Variants in PPTC7 observed in about 807,000 individuals in gnomAD.
The protein encoded by PPTC7 is protein phosphatase PTC7 homolog.
In PPTC7, 6 loss-of-function variants were observed where a neutral mutation model predicts 30.8. The observed-to-expected ratio is 0.19, with a 90% CI of 0.11 to 0.38. PPTC7 has a LOEUF of 0.38. PPTC7 is among the 10% of genes least tolerant of loss of function. The pLI is 1.00. For synonymous variants in PPTC7, 163 were observed against 168.1 expected, an observed-to-expected ratio of 0.97 and a Z score of 0.23; for missense variants, 218 against 404.8, an observed-to-expected ratio of 0.54 and a Z score of 3.96.
chr12:110,577,526 T>C (rs562131376), intron 1 of PPTC7, among the ~76,000 whole-genome samples: 1 of 152,280 alleles, frequency 6.6e-6, no homozygotes, highest in Non-Finnish European at 1.5e-5. Flanking sequence ...AAACACCAAA[T>C]TCTACCTCAT....
chr12:110,550,973 T>C (rs1201763398), intron 2 of PPTC7, among the ~76,000 whole-genome samples: 1 of 152,218 alleles, frequency 6.6e-6, no homozygotes, highest in Admixed American at 6.5e-5. Flanking sequence ...ACTTTTTATG[T>C]TTCTAAACTT....
At chr12:110,577,197 G>A (rs60685128) in intron 1 of PPTC7, among the ~76,000 whole-genome samples, 107 of 146,028 alleles carry the variant, frequency 7.3e-4, no homozygotes, top group African/African-American at 2.6e-3. Context: ...AATTCACTCA[G>A]GGTCATATTT....
chr12:110,557,329 T>G (rs2064397639), intron 1 of PPTC7, among the ~76,000 whole-genome samples: 1 of 152,174 alleles, frequency 6.6e-6, no homozygotes, highest in Admixed American at 6.5e-5. Flanking sequence ...CAGGCTGGAG[T>G]AGTGGCCTGA....
rs111419601 is a variant in PPTC7 at position 110,546,150 on chromosome 12, C to T, written c.404-72G>A. Reference sequence around the variant, plus strand: ...TTTGCACACACATTTTAACACATGACCCCACAGAGCAACACACCATAATTT... The same window carrying T: ...TTTGCACACACATTTTAACACATGATCCCACAGAGCAACACACCATAATTT... On this transcript the variant is annotated intron_variant, in intron 2 of 5. Coordinates refer to ENST00000354300, the MANE Select transcript of PPTC7 (RefSeq NM_139283.2). 67 of 1,215,668 alleles carry T rather than the reference C, an allele frequency of 5.5e-5. No individual in the cohort carries two copies. The African/African-American group carries it at 8.1e-4, about 15-fold the overall frequency. The allele number at this position is 1,215,668 out of a possible 1,614,324, so 75.3% of individuals were successfully genotyped here.
rs2064207151 is a variant in PPTC7 at position 110,534,846 on chromosome 12, T to A, written c.*2191A>T. ...AATCTAGCTTTACAAAGATTGTGTT[T>A]GACGGGTTAAATGAGAGCAGAGAAA... On this transcript the variant is annotated 3_prime_UTR_variant, in exon 6 of 6. Coordinates refer to ENST00000354300, the MANE Select transcript of PPTC7 (RefSeq NM_139283.2). The A allele has an allele frequency of 6.6e-6, 1 of 152,624 alleles. No individual in the cohort carries two copies. The highest frequency in any genetic ancestry group is 1.5e-5 in the Non-Finnish European group (1 of 68,034). The allele number at this position is 152,624 out of a possible 1,614,324, so 9.5% of individuals were successfully genotyped here. A position where few individuals can be genotyped will look rare whatever the true frequency, so the allele number is the denominator to read the frequency against.
At chr12:110,579,532 C>G (rs772364687) in intron 1 of PPTC7, among the ~76,000 whole-genome samples, 2 of 152,114 alleles carry the variant, frequency 1.3e-5, no homozygotes, top group Non-Finnish European at 2.9e-5. Context: ...ATGGAGTCAG[C>G]AAAGTTCCTA....
intron 4 of PPTC7, among the ~76,000 whole-genome samples, chr12:110,538,835 C>G (rs1423128038): frequency 1.3e-5 from 2 of 152,204 alleles, no homozygotes; most frequent in African/African-American, 4.8e-5. Flanking sequence ...TCAATGTCAC[C>G]TCCTCAAAAA....
chr12:110,578,554 T>C (rs2064608224), intron 1 of PPTC7, among the ~76,000 whole-genome samples: 4 of 152,340 alleles, frequency 2.6e-5, no homozygotes, highest in South Asian at 4.1e-4. Context: ...GCATGACTAA[T>C]AGGACAGATC....
chr12:110,561,512 C>T (rs1377036730), intron 1 of PPTC7, among the ~76,000 whole-genome samples: 4 of 152,132 alleles, frequency 2.6e-5, no homozygotes, highest in African/African-American at 4.8e-5. Context: ...CATGGGGTTT[C>T]GCCATGTTGG....
chr12:110,554,458 C>T (rs1028793753), intron 1 of PPTC7, among the ~76,000 whole-genome samples: 1 of 152,100 alleles, frequency 6.6e-6, no homozygotes, highest in Non-Finnish European at 1.5e-5. Flanking sequence ...GGATTACAGG[C>T]GTGAGCCACC....
At chr12:110,555,379 A>C (rs2064377755) in intron 1 of PPTC7, among the ~76,000 whole-genome samples, 1 of 152,230 alleles carries the variant, frequency 6.6e-6, no homozygotes, top group South Asian at 2.1e-4. Context: ...TTGAAGGGGG[A>C]GTGACAGAAG....
At chr12:110,543,559 T>C (rs1443815052) in intron 3 of PPTC7, among the ~76,000 whole-genome samples, 3 of 152,158 alleles carry the variant, frequency 2.0e-5, no homozygotes, top group Non-Finnish European at 2.9e-5. Context: ...AATCAGATTC[T>C]AGAAGTGTAG....
intron 1 of PPTC7, among the ~76,000 whole-genome samples, chr12:110,581,567 A>G (rs1187464522): frequency 1.3e-5 from 2 of 152,200 alleles, no homozygotes; most frequent in Non-Finnish European, 2.9e-5. Flanking sequence ...TCTCATGTTA[A>G]TATCAATAGC....
intron 1 of PPTC7, among the ~76,000 whole-genome samples, chr12:110,560,855 C>CATCA (rs2064432970): frequency 6.6e-6 from 1 of 152,212 alleles, no homozygotes; most frequent in Non-Finnish European, 1.5e-5. Context: ...AGGCATCTTA[C>CATCA]ATCAAGCCTC....
chr12:110,581,560 C>T (rs185790045), intron 1 of PPTC7, among the ~76,000 whole-genome samples: 61 of 152,358 alleles, frequency 4.0e-4, no homozygotes, highest in Admixed American at 3.4e-3. Flanking sequence ...GTCTCCCTCT[C>T]ATGTTAATAT....
chr12:110,580,696 C>T (rs1342206961), intron 1 of PPTC7, among the ~76,000 whole-genome samples: 1 of 151,938 alleles, frequency 6.6e-6, no homozygotes, highest in Non-Finnish European at 1.5e-5. Context: ...CATTTAAATA[C>T]TCCCCAAATC....
intron 3 of PPTC7, among the ~76,000 whole-genome samples, chr12:110,543,435 GAAA>G (rs797006893): frequency 7.1e-6 from 1 of 140,156 alleles, no homozygotes. Flanking sequence ...CATGCAGCAT[GAAA>G]AAAAAAAAAG....
In PPTC7 at chr12:110,566,564, C is replaced by G. The variant is rs115499554; in HGVS notation, c.224-14596G>C. ...AACCTCTTCAGAACATCTACCAGTGCTCCGCTCACAGCCAACATTCAGCAA... is the reference window on the plus strand; with the variant it reads ...AACCTCTTCAGAACATCTACCAGTGGTCCGCTCACAGCCAACATTCAGCAA... On this transcript the variant is annotated intron_variant, in intron 1 of 5. Transcript: ENST00000354300. Among the ~76,000 whole-genome samples the G allele has an allele frequency of 5.9e-3, 897 of 152,346 alleles. 3 individuals carry two copies. The highest frequency in any genetic ancestry group is 0.021 in the African/African-American group (859 of 41,574).
intron 1 of PPTC7, 96 bp from the exon 2 acceptor site, chr12:110,552,064 T>A (rs2064353315): frequency 1.1e-6 from 1 of 931,016 alleles, no homozygotes; most frequent in Non-Finnish European, 1.6e-6. Context: ...TTTCACTACA[T>A]GCTACTACAT....
Sources: allele counts gnomAD v4.1 joint callset (sites outside exome capture counted in the v4.1 genomes callset), GRCh38; gene constraint gnomAD v4.1.1; transcripts MANE v1.5; gene names NCBI Gene and HGNC (gene_info 2026-07-23, HGNC 2026-07-21).